NRG3: variants seen among roughly 807,000 people sequenced by gnomAD.
NRG3 encodes the protein pro-neuregulin-3, membrane-bound isoform.
NRG3 carries 31 observed loss-of-function variants against 66.9 expected under a neutral mutation model. The ratio of observed to expected loss-of-function variants is 0.46; its 90% CI spans 0.35 to 0.63. The LOEUF is 0.63. Ranked by LOEUF, NRG3 falls within the 20% of genes least tolerant of loss-of-function variation. NRG3 has a pLI of 0.00. For missense variants in NRG3, 910 were observed against 878.9 expected (o/e 1.04, Z -0.45); for synonymous variants, 393 against 359.4 (o/e 1.09, Z -1.06).
In NRG3 at chr10:82,651,766, TGGCCTCATAGATA is replaced by T. The variant is rs564406112; in HGVS notation, c.954-86810_954-86798del. On this transcript the variant is annotated intron_variant, in intron 2 of 8. Coordinates refer to ENST00000372141, the MANE Select transcript of NRG3 (RefSeq NM_001010848.4). ...TGTAATGGTTGGAGGCCATGGATGC[TGGCCTCATAGATA>T]TATGAGGTATATATTCATCCCCAAA... 4.9e-4 allele frequency among the ~76,000 whole-genome samples: 74 copies of T among 152,356 alleles called. No homozygotes were observed. The East Asian group carries it at 0.013, about 26-fold the overall frequency.
chr10:82,288,860 T>C (rs1022312573), intron 1 of NRG3, among the ~76,000 whole-genome samples: 1 of 152,196 alleles, frequency 6.6e-6, no homozygotes, highest in African/African-American at 2.4e-5. Context: ...TCATGAGTAA[T>C]TTGTCACATT....
intron 1 of NRG3, among the ~76,000 whole-genome samples, chr10:82,214,870 A>C (rs2133688757): frequency 1.3e-5 from 2 of 152,274 alleles, no homozygotes; most frequent in Middle Eastern, 6.8e-3. Flanking sequence ...TAGTCTGAAC[A>C]AAGGAGAGCA....
chr10:82,318,075 AG>A (rs1564789402), intron 1 of NRG3, among the ~76,000 whole-genome samples: 1 of 152,140 alleles, frequency 6.6e-6, no homozygotes, highest in South Asian at 2.1e-4. Flanking sequence ...TCTGGTGGGC[AG>A]GGGGTGATAG....
chr10:82,151,938 GT>G (rs1301793103), intron 1 of NRG3, among the ~76,000 whole-genome samples: 1 of 151,690 alleles, frequency 6.6e-6, no homozygotes, highest in Non-Finnish European at 1.5e-5. Context: ...AATAGTACAT[GT>G]TTTTTTAGGT....
intron 1 of NRG3, among the ~76,000 whole-genome samples, chr10:82,035,348 A>G (rs775276984): frequency 2.0e-5 from 3 of 152,008 alleles, no homozygotes; most frequent in African/African-American, 7.3e-5. Flanking sequence ...ACAAAAATTC[A>G]TACACTGTGA....
chr10:82,812,353 T>C (rs2061524046), intron 3 of NRG3, among the ~76,000 whole-genome samples: 1 of 152,228 alleles, frequency 6.6e-6, no homozygotes, highest in East Asian at 1.9e-4. Context: ...TTTGTTTTTC[T>C]TTGAGGCAAA....
intron 2 of NRG3, among the ~76,000 whole-genome samples, chr10:82,584,077 A>G (rs1447641422): frequency 6.6e-6 from 1 of 152,044 alleles, no homozygotes; most frequent in Non-Finnish European, 1.5e-5. Flanking sequence ...GTTGTTGTTG[A>G]TGTTTCATTT....
At chr10:82,913,724 C>T (rs1211535016) in intron 4 of NRG3, among the ~76,000 whole-genome samples, 1 of 152,122 alleles carries the variant, frequency 6.6e-6, no homozygotes, top group Non-Finnish European at 1.5e-5. Context: ...TGCACATTCC[C>T]AGTCTCTTTT....
At chr10:81,890,026 A>G (rs1419837113) in intron 1 of NRG3, among the ~76,000 whole-genome samples, 1 of 152,190 alleles carries the variant, frequency 6.6e-6, no homozygotes, top group Non-Finnish European at 1.5e-5. Context: ...ATACACTGCA[A>G]ATGGCTGAGT....
At chr10:82,761,361 A>G (rs964596456) in intron 3 of NRG3, among the ~76,000 whole-genome samples, 19 of 152,228 alleles carry the variant, frequency 1.2e-4, no homozygotes, top group Admixed American at 7.9e-4. Context: ...ATTTGTAGCC[A>G]TAGTGCAATA....
intron 2 of NRG3, among the ~76,000 whole-genome samples, chr10:82,492,196 C>A (rs911218870): frequency 2.0e-5 from 3 of 152,142 alleles, no homozygotes; most frequent in African/African-American, 7.2e-5. Flanking sequence ...TGGAGCTGAG[C>A]TTGAAGGTTG....
At chr10:82,122,992 T>G (rs2068193245) in intron 1 of NRG3, among the ~76,000 whole-genome samples, 1 of 120,590 alleles carries the variant, frequency 8.3e-6, no homozygotes, top group Admixed American at 8.5e-5. Context: ...AAGCCAAATA[T>G]TACTTTGGCA....
At chr10:82,513,503 G>T (rs1210535332) in intron 2 of NRG3, among the ~76,000 whole-genome samples, 1 of 152,140 alleles carries the variant, frequency 6.6e-6, no homozygotes, top group African/African-American at 2.4e-5. Context: ...TGTTATTTCT[G>T]CTCTTTAAGG....
At chr10:82,674,982 C>T (rs923292194) in intron 2 of NRG3, among the ~76,000 whole-genome samples, 5 of 131,762 alleles carry the variant, frequency 3.8e-5, no homozygotes, top group East Asian at 4.0e-4. Context: ...TTTTTTGAGA[C>T]GGAACCTCAC....
intron 1 of NRG3, among the ~76,000 whole-genome samples, chr10:82,086,768 A>G (rs894972589): frequency 2.0e-5 from 3 of 152,146 alleles, no homozygotes; most frequent in Non-Finnish European, 4.4e-5. Flanking sequence ...GATATTTGGA[A>G]GTAGCACGCC....
intron 2 of NRG3, among the ~76,000 whole-genome samples, chr10:82,472,462 T>C (rs979503318): frequency 4.6e-5 from 7 of 152,240 alleles, no homozygotes; most frequent in African/African-American, 1.7e-4. Flanking sequence ...TGATTTCCAA[T>C]AGCTCTTCTA....
chr10:82,863,619 G>C (rs2064259254), intron 3 of NRG3, among the ~76,000 whole-genome samples: 1 of 152,110 alleles, frequency 6.6e-6, no homozygotes, highest in East Asian at 1.9e-4. Flanking sequence ...GTGATGATGA[G>C]CTTTTTTTCA....
intron 2 of NRG3, among the ~76,000 whole-genome samples, chr10:82,712,024 G>C (rs2056700899): frequency 6.6e-6 from 1 of 152,142 alleles, no homozygotes; most frequent in African/African-American, 2.4e-5. Flanking sequence ...TCCATTTATA[G>C]AAATCTTCTT....
At chr10:82,301,677 C>A (rs1434732201) in intron 1 of NRG3, among the ~76,000 whole-genome samples, 1 of 112,784 alleles carries the variant, frequency 8.9e-6, no homozygotes, top group East Asian at 2.3e-4. Context: ...TATGTATACA[C>A]ATATATTCCT....
Sources: gnomAD v4.1 joint callset for allele counts (sites outside exome capture counted in the v4.1 genomes callset) on GRCh38, gnomAD v4.1.1 for gene constraint, MANE v1.5 for transcripts, NCBI Gene and HGNC (gene_info 2026-07-23, HGNC 2026-07-21) for gene names.